Variants in LRRK1 observed in about 807,000 individuals in gnomAD.
LRRK1 encodes the protein leucine rich repeat kinase 1.
In LRRK1, 113 loss-of-function variants were observed where a neutral mutation model predicts 209.1. The ratio of observed to expected loss-of-function variants is 0.54; its 90% CI spans 0.46 to 0.63. The LOEUF (loss-of-function observed/expected upper bound fraction) is 0.63, where lower values mean the gene tolerates loss of function less well. Among genes scored for constraint, LRRK1 ranks in the 30% least tolerant of loss-of-function variants. LRRK1 has a pLI of 0.00. For missense variants in LRRK1, 2,284 were observed against 2,632.2 expected, an observed-to-expected ratio of 0.87 and a Z score of 2.89; for synonymous variants, 1,144 against 1,099.7, an observed-to-expected ratio of 1.04 and a Z score of -0.80.
At chr15:101,064,966 G>C (rs1043347440) in intron 31 of LRRK1, 6 of 251,402 alleles carry the variant, frequency 2.4e-5, no homozygotes, top group Middle Eastern at 1.4e-3. Flanking sequence ...AAGGGCGGGG[G>C]CACCAGGTCC....
At chr15:101,005,102 T>G (rs1389513341) in intron 6 of LRRK1, among the ~76,000 whole-genome samples, 3 of 152,210 alleles carry the variant, frequency 2.0e-5, no homozygotes, top group African/African-American at 7.2e-5. Flanking sequence ...GATTGCAATC[T>G]GGACACCTTG....
intron 2 of LRRK1, among the ~76,000 whole-genome samples, chr15:100,932,665 G>A (rs1209739768): frequency 4.6e-5 from 7 of 152,202 alleles, no homozygotes; most frequent in Non-Finnish European, 7.3e-5. Context: ...CTGCCCCAGT[G>A]TCAACTTCCC....
chr15:101,070,764 C>G lies in LRRK1; in HGVS notation c.*1916C>G, dbSNP rs1043807477. ...GCTATGATCACACCAGCTTTCTAGC[C>G]TGGGTGACAGAGCAAGACCCAACTC... On this transcript the variant is annotated 3_prime_UTR_variant, in exon 34 of 34. Transcript: ENST00000388948. 4.0e-5 allele frequency: 6 copies of G among 150,866 alleles called. No homozygotes were observed. Among genetic ancestry groups the G allele is most frequent in the Non-Finnish European group, 8.8e-5 (6 of 67,868 alleles). The allele number at this position is 150,866 out of a possible 1,614,324, so 9.3% of individuals were successfully genotyped here. A position where few individuals can be genotyped will look rare whatever the true frequency, so the allele number is the denominator to read the frequency against.
At chr15:101,050,963 GGTGGGT>G (rs1449858057) in intron 23 of LRRK1, among the ~76,000 whole-genome samples, 2 of 152,206 alleles carry the variant, frequency 1.3e-5, no homozygotes, top group East Asian at 3.9e-4. Flanking sequence ...CAGTTTGACA[GGTGGGT>G]CCCTTAGACA....
chr15:100,971,798 GTC>G (rs2030903241), intron 2 of LRRK1, among the ~76,000 whole-genome samples: 2 of 152,022 alleles, frequency 1.3e-5, no homozygotes, highest in South Asian at 4.2e-4. Context: ...ACCCTTCTCA[GTC>G]TCTGTTAGCT....
At chr15:100,964,657 CATGG>C (rs1489217885) in intron 2 of LRRK1, among the ~76,000 whole-genome samples, 1 of 152,212 alleles carries the variant, frequency 6.6e-6, no homozygotes, top group Non-Finnish European at 1.5e-5. Flanking sequence ...AAAATAAAGT[CATGG>C]ATATGCAAAT....
In LRRK1 at chr15:101,066,650, G is replaced by T; in HGVS notation, c.5779G>T (p.Asp1927Tyr). ...GTTTTGGTTGCTTAGGCGCGGTGGA[G>T]ATGTTATCGTCATTGGCCTGGAGAA... ...DLIWVPRRGG[D>Y]VIVIGLEKDS... Residue 1927 changes from aspartate to tyrosine, a missense_variant, in exon 33 of 34, where the codon GAT becomes TAT. Physicochemically the swap from Asp to Tyr is radical, Grantham distance 160 (BLOSUM62 -3). Coordinates refer to ENST00000388948, the MANE Select transcript of LRRK1 (RefSeq NM_024652.6). The T allele has an allele frequency of 6.2e-7, 1 of 1,614,232 alleles. No individual in the cohort carries two copies. Among genetic ancestry groups the T allele is most frequent in the South Asian group, 1.1e-5 (1 of 91,086 alleles).
intron 2 of LRRK1, among the ~76,000 whole-genome samples, chr15:100,946,665 C>T (rs1220873362): frequency 3.9e-5 from 6 of 152,134 alleles, no homozygotes; most frequent in African/African-American, 9.7e-5. Context: ...TAACAAATAA[C>T]GCTAGATGTC....
chr15:100,958,963 T>C (rs2042818359), intron 2 of LRRK1, among the ~76,000 whole-genome samples: 1 of 152,208 alleles, frequency 6.6e-6, no homozygotes, highest in Non-Finnish European at 1.5e-5. Flanking sequence ...CTTTTATGAC[T>C]TGGAAAGCCC....
At chr15:101,067,038 A>G (rs1467645990) in intron 33 of LRRK1, among the ~76,000 whole-genome samples, 1 of 152,196 alleles carries the variant, frequency 6.6e-6, no homozygotes, top group Non-Finnish European at 1.5e-5. Flanking sequence ...TGCAATCGAC[A>G]TGCAGATGCA....
rs189062191 is a variant in LRRK1 at position 101,065,536 on chromosome 15, A to C, written c.5099A>C (p.Asn1700Thr). 6.2e-7 allele frequency: 1 copy of C among 1,614,208 alleles called. No individual in the cohort carries two copies. The highest frequency in any genetic ancestry group is 1.7e-5 in the Admixed American group (1 of 60,032). ...PYPVKAMEVV[N>T]SGSEVWYSNG... is the part of the protein sequence containing the mutation. Reference sequence around the variant, plus strand: ...CCAGTGAAGGCCATGGAGGTGGTCAACAGCGGCTCTGAGGTCTGGTACAGC... The same window carrying C: ...CCAGTGAAGGCCATGGAGGTGGTCACCAGCGGCTCTGAGGTCTGGTACAGC... Residue 1700 changes from asparagine (N) to threonine (T), a missense_variant, in exon 32 of 34, where the codon AAC (asparagine) becomes ACC (threonine). Coordinates refer to ENST00000388948, the MANE Select transcript of LRRK1 (RefSeq NM_024652.6).
chr15:101,012,905 G>C (rs530159457), intron 10 of LRRK1, among the ~76,000 whole-genome samples: 1 of 152,142 alleles, frequency 6.6e-6, no homozygotes, highest in Non-Finnish European at 1.5e-5. Context: ...GCCCCCGGGG[G>C]GGGGTGGTCC....
In LRRK1 at chr15:101,046,073, A is replaced by C. The variant is rs1176301432; in HGVS notation, c.3056A>C (p.Lys1019Thr). 1.9e-6 allele frequency: 3 copies of C among 1,614,120 alleles called. No individual in the cohort carries two copies. The highest frequency in any genetic ancestry group is 2.5e-6 in the Non-Finnish European group (3 of 1,180,050). ...PTANTIQRVF[K>T]MSFVPVGFWQ... ...GCCAACACCATTCAGAGGGTATTTA[A>C]GATGAGCTTCGTTCCCGTTGGCTTC... Residue 1019 changes from lysine to threonine, a missense_variant, in exon 21 of 34, where the codon AAG (lysine) becomes ACG (threonine). Lys to Thr is a moderately conservative substitution (Grantham distance 78). Around this residue, in one of 6 missense-constraint regions of LRRK1, gnomAD observed 780 missense variants for 985.2 expected, o/e 0.79. Transcript: ENST00000388948.
intron 22 of LRRK1, 77 bp from the exon 23 acceptor site, chr15:101,049,566 TC>T (rs2035281515): frequency 7.1e-6 from 11 of 1,539,648 alleles, no homozygotes; most frequent in Non-Finnish European, 9.7e-6. Context: ...TTGGTTCCTG[TC>T]CCTGGGGGTA....
intron 2 of LRRK1, among the ~76,000 whole-genome samples, chr15:100,956,450 T>TTTTTTCTTTTTC (rs1567199278): frequency 6.2e-5 from 4 of 64,656 alleles, no homozygotes; most frequent in Admixed American, 2.3e-4. Flanking sequence ...TTTCCTTTTT[T>TTTTTTCTTTTTC]TTTTCTTTTT....
At chr15:100,941,388 C>G (rs1214203872) in intron 2 of LRRK1, among the ~76,000 whole-genome samples, 1 of 120,304 alleles carries the variant, frequency 8.3e-6, no homozygotes, top group African/African-American at 3.2e-5. Context: ...GTGTCTGTGT[C>G]TCTGTGTGTG....
Position 101,027,538 on chromosome 15 carries a change from G to A in LRRK1, c.2527-100G>A, listed in dbSNP as rs924058417. ...AGGATGGAAGATAGTGGGTGGAAAC[G>A]TCCCACCCCCTCAGGCCACAGGGGC... On this transcript the variant is annotated intron_variant, in intron 18 of 33. Transcript: ENST00000388948. This position sits in a 1 kb window ranked among gnomAD's most constrained non-coding sequence, Gnocchi z 5.1. 11 of 1,496,446 alleles carry A rather than the reference G, an allele frequency of 7.4e-6. No homozygotes were observed. In the South Asian group the frequency reaches 7.6e-5, roughly 10 times the overall value. The allele number at this position is 1,496,446 out of a possible 1,614,324, so 92.7% of individuals were successfully genotyped here. A position where few individuals can be genotyped will look rare whatever the true frequency, so the allele number is the denominator to read the frequency against.
In LRRK1 at chr15:100,993,910, T is replaced by A. The variant is rs139620551; in HGVS notation, c.762+4512T>A. ...CTGTATATTTCTACCTATCTGTTCC[T>A]TGGTTGGTTTTCTCAGTTATAAAAC... On this transcript the variant is annotated intron_variant, in intron 6 of 33. Coordinates refer to ENST00000388948, the MANE Select transcript of LRRK1 (RefSeq NM_024652.6). Among the ~76,000 whole-genome samples the A allele has an allele frequency of 3.4e-4, 52 of 152,374 alleles. No homozygotes were observed. The East Asian group carries it at 7.9e-3, about 23-fold the overall frequency.
intron 2 of LRRK1, among the ~76,000 whole-genome samples, chr15:100,928,406 A>G (rs1468518799): frequency 6.6e-6 from 1 of 152,146 alleles, no homozygotes; most frequent in Non-Finnish European, 1.5e-5. Context: ...CTGGGATGAT[A>G]GGGAGCCCTG....
Sources: gnomAD v4.1 joint callset for allele counts (sites outside exome capture counted in the v4.1 genomes callset) on GRCh38, gnomAD v4.1.1 for gene constraint, gnomAD v4.1.1 regional missense constraint, Gnocchi (gnomAD v3.1) non-coding constraint, MANE v1.5 for transcripts, NCBI Gene and HGNC (gene_info 2026-07-23, HGNC 2026-07-21) for gene names.